SSU72: variants seen among roughly 807,000 people sequenced by gnomAD.
SSU72 encodes the protein SSU72 homolog, RNA polymerase II CTD phosphatase, also known as RNA polymerase II subunit A C-terminal domain phosphatase SSU72.
A neutral mutation model predicts 22.7 loss-of-function variants in SSU72; 12 were observed. The observed-to-expected ratio is 0.53, with a 90% CI of 0.34 to 0.86. The LOEUF is 0.86. SSU72 is among the 40% of genes least tolerant of loss of function. SSU72 has a pLI of 0.02. For missense variants in SSU72, 151 were observed against 249.8 expected, an observed-to-expected ratio of 0.60 and a Z score of 2.67; for synonymous variants, 116 against 98.3, an observed-to-expected ratio of 1.18 and a Z score of -1.06.
At chr1:1,548,993 C>A (rs1642425062) in intron 2 of SSU72, among the ~76,000 whole-genome samples, 1 of 152,138 alleles carries the variant, frequency 6.6e-6, no homozygotes, top group South Asian at 2.1e-4. Flanking sequence ...GTGCTGGAGG[C>A]CTTGGGCTGT....
rs80340276 is a variant in SSU72, at chr1:1,572,877, TGGGG to T, written c.80+1597_80+1600del. On this transcript the variant is annotated intron_variant, in intron 1 of 4. Coordinates refer to ENST00000291386, the MANE Select transcript of SSU72 (RefSeq NM_014188.3). ...ATTCCAATTAACAATAATTTTGTCT[TGGGG>T]GGGGGGGGGTGAGCCTTGCATTGTT... 2.1e-3 allele frequency among the ~76,000 whole-genome samples: 177 copies of T among 83,734 alleles called. 4 individuals are homozygous for T. The highest frequency in any genetic ancestry group is 6.9e-3 in the African/African-American group (174 of 25,346). 54.9% of individuals were successfully genotyped at this position (83,734 alleles called of 152,430 possible). A position where few individuals can be genotyped will look rare whatever the true frequency, so the allele number is the denominator to read the frequency against.
At chr1:1,549,337 C>T (rs1642428136) in intron 2 of SSU72, among the ~76,000 whole-genome samples, 1 of 149,440 alleles carries the variant, frequency 6.7e-6, no homozygotes, top group Admixed American at 6.7e-5. Context: ...CTGGCTACCA[C>T]AGGGAAACCC....
intron 2 of SSU72, among the ~76,000 whole-genome samples, chr1:1,556,893 C>G (rs193254546): frequency 6.6e-6 from 1 of 152,352 alleles, no homozygotes; most frequent in Non-Finnish European, 1.5e-5. Context: ...CTCAAATGAC[C>G]ACCAGCAACT....
chr1:1,560,646 G>A (rs981745442), intron 2 of SSU72, among the ~76,000 whole-genome samples: 5 of 152,122 alleles, frequency 3.3e-5, no homozygotes, highest in African/African-American at 1.2e-4. Flanking sequence ...ACTTTAGCAT[G>A]GGGTTACCAG....
chr1:1,553,673 C>T (rs1037709651), intron 2 of SSU72, among the ~76,000 whole-genome samples: 5 of 151,090 alleles, frequency 3.3e-5, no homozygotes, highest in Non-Finnish European at 7.4e-5. Flanking sequence ...CGCCTGTAGT[C>T]CCAGCTACTC....
chr1:1,557,524 C>A (rs896952389), intron 2 of SSU72, among the ~76,000 whole-genome samples: 4 of 151,362 alleles, frequency 2.6e-5, no homozygotes, highest in Non-Finnish European at 5.9e-5. Flanking sequence ...CCGGACACAG[C>A]GGCTCACACC....
At chr1:1,543,177 C>T (rs962306273) in intron 4 of SSU72, among the ~76,000 whole-genome samples, 2 of 152,208 alleles carry the variant, frequency 1.3e-5, no homozygotes, top group Admixed American at 1.3e-4. Context: ...TGCCCCGGCC[C>T]CTCTGTGCAA....
At chr1:1,574,035 GAA>G (rs1557509113) in intron 1 of SSU72, among the ~76,000 whole-genome samples, 1 of 47,538 alleles carries the variant, frequency 2.1e-5, no homozygotes, top group Non-Finnish European at 2.9e-5. Flanking sequence ...AAAAAAAAAA[GAA>G]GAAGAAGTAG....
chr1:1,565,000 C>A (rs1232951584), intron 1 of SSU72, 84 bp from the exon 2 acceptor site: 24 of 1,486,926 alleles, frequency 1.6e-5, no homozygotes, highest in Non-Finnish European at 2.0e-5. Context: ...GGGATAGAAA[C>A]AAAATGAGTA....
Position 1,574,461 on chromosome 1 carries a change from G to C in SSU72, c.80+17C>G. On this transcript the variant is annotated intron_variant, in intron 1 of 4. Transcript: ENST00000291386. ...CGCCGGAGCAGAGCGCGCGGGGACAGGGTGGAGCCCAACTACCTGAGGATG... is the reference window on the plus strand; with the variant it reads ...CGCCGGAGCAGAGCGCGCGGGGACACGGTGGAGCCCAACTACCTGAGGATG... 1.9e-6 allele frequency: 3 copies of C among 1,590,426 alleles called. No homozygotes were observed. The highest frequency in any genetic ancestry group is 2.6e-6 in the Non-Finnish European group (3 of 1,170,784).
intron 2 of SSU72, among the ~76,000 whole-genome samples, chr1:1,548,118 C>T (rs1212225847): frequency 6.6e-6 from 1 of 152,174 alleles, no homozygotes; most frequent in Non-Finnish European, 1.5e-5. Flanking sequence ...GAATCGACTG[C>T]CCCCATTGGA....
At position 1,559,556 on chromosome 1, in the gene SSU72, C is replaced by A. The variant is rs145840553; in HGVS notation, c.224+5217G>T. ...CTACAAAGGTCAGGGGAGCTTAGAT[C>A]CCCGTCCCTGGTCCAGGTATATACA... On this transcript the variant is annotated intron_variant, in intron 2 of 4. Transcript: ENST00000291386. Among the ~76,000 whole-genome samples, 329 of 152,260 alleles carry A rather than the reference C, an allele frequency of 2.2e-3. 2 individuals carry two copies. The highest frequency in any genetic ancestry group is 7.5e-3 in the African/African-American group (312 of 41,562).
rs914580822 is a variant in SSU72 at position 1,542,612 on chromosome 1, C to T, written c.484-445G>A. On this transcript the variant is annotated intron_variant, in intron 4 of 4. Coordinates refer to ENST00000291386, the MANE Select transcript of SSU72 (RefSeq NM_014188.3). The surrounding 1 kb of genome is among the most constrained non-coding windows in gnomAD (Gnocchi z 4.4). Reference sequence around the variant, plus strand: ...CAGAGGGCCGCTGCCCCAGAGTGAGCAGGCCCGGCTCCTAGGCACACCTGC... The same window carrying T: ...CAGAGGGCCGCTGCCCCAGAGTGAGTAGGCCCGGCTCCTAGGCACACCTGC... Among the ~76,000 whole-genome samples the T allele has an allele frequency of 6.6e-6, 1 of 152,132 alleles. No homozygotes were observed. The highest frequency in any genetic ancestry group is 1.5e-5 in the Non-Finnish European group (1 of 68,024).
rs140907582 is a variant in SSU72, at chr1:1,545,536, G to A, written c.225-534C>T. The A allele has an allele frequency of 6.6e-3, 1,014 of 154,462 alleles. 13 individuals are homozygous for A. Among genetic ancestry groups the A allele is most frequent in the African/African-American group, 0.023 (946 of 41,588 alleles). The allele number at this position is 154,462 out of a possible 1,614,324, so 9.6% of individuals were successfully genotyped here. A position where few individuals can be genotyped will look rare whatever the true frequency, so the allele number is the denominator to read the frequency against. On this transcript the variant is annotated intron_variant, in intron 2 of 4. Transcript: ENST00000291386. Reference sequence around the variant, plus strand: ...AAAGAAAGGAAGCTCCAGGCCGGGCGCAGTGGCTTATGCCTGTAATCCCAG... The same window carrying A: ...AAAGAAAGGAAGCTCCAGGCCGGGCACAGTGGCTTATGCCTGTAATCCCAG...
chr1:1,544,852 C>T lies in SSU72; in HGVS notation c.364+11G>A, dbSNP rs371289062. Reference sequence around the variant, plus strand: ...GCTGGAGCCCAGCCCAGCACGCAGCCGCCTCCTCACCTTCCACCACCTGGT... The same window carrying T: ...GCTGGAGCCCAGCCCAGCACGCAGCTGCCTCCTCACCTTCCACCACCTGGT... On this transcript the variant is annotated intron_variant, in intron 3 of 4. Coordinates refer to ENST00000291386, the MANE Select transcript of SSU72 (RefSeq NM_014188.3). The T allele has an allele frequency of 1.9e-5, 31 of 1,613,986 alleles. 1 individual carries two copies. Among genetic ancestry groups the T allele is most frequent in the South Asian group, 1.9e-4 (17 of 91,086 alleles).
chr1:1,548,168 G>A (rs545055475), intron 2 of SSU72, among the ~76,000 whole-genome samples: 3 of 152,288 alleles, frequency 2.0e-5, no homozygotes, highest in East Asian at 1.9e-4. Flanking sequence ...CAGTCCCTGC[G>A]GCCTCAGGGA....
At chr1:1,545,097 C>A in intron 2 of SSU72, 95 bp from the exon 3 acceptor site, 1 of 1,469,248 alleles carries the variant, frequency 6.8e-7, no homozygotes, top group Non-Finnish European at 9.3e-7. Context: ...TTCCCTGCCC[C>A]ACAGCAGAGG....
chr1:1,542,231 TG>T lies in SSU72; in HGVS notation c.484-65del. The T allele has an allele frequency of 6.7e-7, 1 of 1,486,816 alleles. No homozygotes were observed. The allele number at this position is 1,486,816 out of a possible 1,614,324, so 92.1% of individuals were successfully genotyped here. On this transcript the variant is annotated intron_variant, in intron 4 of 4. Coordinates refer to ENST00000291386, the MANE Select transcript of SSU72 (RefSeq NM_014188.3). This position sits in a 1 kb window ranked among gnomAD's most constrained non-coding sequence, Gnocchi z 4.4. Reference sequence around the variant, plus strand: ...CTGCCTGTCTGCTCCCCCTAACACCTGGATCGCCAGGGAAACGCCAGGCCTG... The same window carrying T: ...CTGCCTGTCTGCTCCCCCTAACACCTGATCGCCAGGGAAACGCCAGGCCTG...
At chr1:1,551,402 G>A (rs114370906) in intron 2 of SSU72, among the ~76,000 whole-genome samples, 3,405 of 152,330 alleles carry the variant, frequency 0.022, 128 homozygotes, top group African/African-American at 0.077. Context: ...GAGCAGGCAC[G>A]CTGGGCAGCT....
Sources: gnomAD v4.1 joint callset for allele counts (sites outside exome capture counted in the v4.1 genomes callset) on GRCh38, gnomAD v4.1.1 for gene constraint, Gnocchi (gnomAD v3.1) non-coding constraint, MANE v1.5 for transcripts, NCBI Gene and HGNC (gene_info 2026-07-23, HGNC 2026-07-21) for gene names.